Variants in APBA1 observed in about 807,000 individuals in gnomAD.
The protein encoded by APBA1 is amyloid-beta A4 precursor protein-binding family A member 1.
In APBA1, 55 loss-of-function variants were observed where a neutral mutation model predicts 86.6. That is an observed-to-expected ratio of 0.64 (90% CI 0.51 to 0.80). The LOEUF (loss-of-function observed/expected upper bound fraction) is 0.80. APBA1 is among the 30% of genes least tolerant of loss of function. APBA1 has a pLI of 0.00. For missense variants in APBA1, 1,090 were observed against 1,183.0 expected (o/e 0.92, Z 1.15); for synonymous variants, 511 against 493.9 (o/e 1.03, Z -0.46).
chr9:69,476,401 G>A (rs1835447777), intron 2 of APBA1, among the ~76,000 whole-genome samples: 1 of 152,106 alleles, frequency 6.6e-6, no homozygotes, highest in South Asian at 2.1e-4. Flanking sequence ...GCCAAATGTT[G>A]AAAGAAAATA....
intron 3 of APBA1, 40 bp from the exon 4 acceptor site, chr9:69,471,735 T>C (rs1274651213): frequency 1.3e-6 from 2 of 1,538,078 alleles, no homozygotes; most frequent in East Asian, 2.2e-5. Context: ...GAGCAAAGCA[T>C]AATGAAATAT....
chr9:69,663,920 T>C (rs937984146), intron 1 of APBA1, among the ~76,000 whole-genome samples: 2 of 152,220 alleles, frequency 1.3e-5, no homozygotes, highest in African/African-American at 4.8e-5. Flanking sequence ...TGTGGGGTAT[T>C]CTCTTAATTA....
chr9:69,510,846 T>C, intron 2 of APBA1, among the ~76,000 whole-genome samples: 1 of 146,192 alleles, frequency 6.8e-6, no homozygotes, highest in Non-Finnish European at 1.5e-5. Flanking sequence ...TAATAAATGG[T>C]GCTGGGAAAA....
intron 5 of APBA1, chr9:69,462,785 C>T (rs1386681927): frequency 6.6e-6 from 1 of 152,200 alleles, no homozygotes; most frequent in Non-Finnish European, 1.5e-5. Flanking sequence ...TTCTCTAAGG[C>T]AGTGGTTCCC....
intron 1 of APBA1, among the ~76,000 whole-genome samples, chr9:69,624,294 G>A (rs1012041860): frequency 6.6e-6 from 1 of 152,190 alleles, no homozygotes. Context: ...CACACTTACA[G>A]AGCAAGTAAT....
At chr9:69,482,738 T>A (rs184377474) in intron 2 of APBA1, among the ~76,000 whole-genome samples, 299 of 151,766 alleles carry the variant, frequency 2.0e-3, no homozygotes, top group African/African-American at 7.0e-3. Flanking sequence ...GTCCAACAAA[T>A]GATATACTGG....
intron 1 of APBA1, among the ~76,000 whole-genome samples, chr9:69,533,718 T>A (rs747875014): frequency 6.6e-6 from 1 of 152,240 alleles, no homozygotes; most frequent in Non-Finnish European, 1.5e-5. Flanking sequence ...CTGTGGTCAT[T>A]CACATCTGTG....
At chr9:69,520,684 G>A (rs886943027) in intron 1 of APBA1, among the ~76,000 whole-genome samples, 14 of 151,976 alleles carry the variant, frequency 9.2e-5, no homozygotes, top group African/African-American at 2.2e-4. Context: ...ACCCACCCTC[G>A]CTCTCAAACT....
At chr9:69,663,055 G>A (rs1823782164) in intron 1 of APBA1, among the ~76,000 whole-genome samples, 1 of 152,112 alleles carries the variant, frequency 6.6e-6, no homozygotes, top group Non-Finnish European at 1.5e-5. Flanking sequence ...CATACTATAA[G>A]AAAATAAACA....
At chr9:69,568,182 A>G (rs72719028) in intron 1 of APBA1, among the ~76,000 whole-genome samples, 26,881 of 152,052 alleles carry the variant, frequency 0.18, 2,570 homozygotes, top group South Asian at 0.31. Flanking sequence ...GCTTCCTGAG[A>G]ATGTCCCCCA....
intron 2 of APBA1, among the ~76,000 whole-genome samples, chr9:69,500,949 C>T (rs79700635): frequency 0.067 from 10,239 of 152,146 alleles, 444 homozygotes; most frequent in Non-Finnish European, 0.095. Context: ...TCATAATTCT[C>T]CCAGGTCACA....
chr9:69,532,188 G>A lies in APBA1; in HGVS notation c.-69-14909C>T, dbSNP rs149557631. Among the ~76,000 whole-genome samples, 998 of 152,080 alleles carry A rather than the reference G, an allele frequency of 6.6e-3. 11 individuals are homozygous for A. The highest frequency in any genetic ancestry group is 0.027 in the Middle Eastern group (8 of 294). On this transcript the variant is annotated intron_variant, in intron 1 of 12. Transcript: ENST00000265381. ...TGTGTGTGTAGCAGAGGGGGAAGGG[G>A]GAATATGAGTACTCTGTACTTTCCA... is the stretch of plus-strand genomic sequence containing the variant.
intron 2 of APBA1, among the ~76,000 whole-genome samples, chr9:69,487,315 C>T (rs1399295002): frequency 6.6e-6 from 1 of 152,056 alleles, no homozygotes; most frequent in African/African-American, 2.4e-5. Flanking sequence ...CAGATCCCTG[C>T]CTCCCCCCAA....
intron 1 of APBA1, among the ~76,000 whole-genome samples, chr9:69,665,729 AG>A (rs1160394526): frequency 3.9e-5 from 6 of 152,212 alleles, no homozygotes; most frequent in African/African-American, 2.4e-5. Flanking sequence ...AGTTCCAAGG[AG>A]CAGAACTACT....
At chr9:69,563,518 C>A (rs1187263481) in intron 1 of APBA1, among the ~76,000 whole-genome samples, 1 of 152,150 alleles carries the variant, frequency 6.6e-6, no homozygotes, top group African/African-American at 2.4e-5. Flanking sequence ...TGGGTTAATA[C>A]ACGGGTTGCA....
chr9:69,658,222 C>CTCTCTCTTTCTT (rs1554709904), intron 1 of APBA1, among the ~76,000 whole-genome samples: 13 of 104,218 alleles, frequency 1.2e-4, no homozygotes, highest in African/African-American at 3.8e-4. Flanking sequence ...AGTCCTTTCT[C>CTCTCTCTTTCTT]TCTTTCTTTC....
chr9:69,665,701 G>C (rs1368988583), intron 1 of APBA1, among the ~76,000 whole-genome samples: 1 of 152,178 alleles, frequency 6.6e-6, no homozygotes, highest in Non-Finnish European at 1.5e-5. Context: ...AGAAGATTCA[G>C]GACACAGAAG....
intron 1 of APBA1, among the ~76,000 whole-genome samples, chr9:69,664,129 T>C (rs1182650290): frequency 1.3e-5 from 2 of 152,198 alleles, no homozygotes; most frequent in Non-Finnish European, 2.9e-5. Flanking sequence ...TTGGAGAAGA[T>C]AGCCGGAAAT....
At chr9:69,649,798 C>T (rs543257075) in intron 1 of APBA1, among the ~76,000 whole-genome samples, 1 of 152,248 alleles carries the variant, frequency 6.6e-6, no homozygotes, top group East Asian at 1.9e-4. Context: ...AGGAATAACT[C>T]ATCTCTCCCC....
Sources: gnomAD v4.1 joint callset for allele counts (sites outside exome capture counted in the v4.1 genomes callset) on GRCh38, gnomAD v4.1.1 for gene constraint, MANE v1.5 for transcripts, NCBI Gene and HGNC (gene_info 2026-07-23, HGNC 2026-07-21) for gene names.